Variants in ZFHX3 observed in about 807,000 individuals in gnomAD.
The protein encoded by ZFHX3 is zinc finger homeobox protein 3.
In ZFHX3, 42 loss-of-function variants were observed where a neutral mutation model predicts 279.1. That is an observed-to-expected ratio of 0.15 (90% CI 0.12 to 0.19). ZFHX3 has a LOEUF of 0.19. ZFHX3 is among the 10% of genes least tolerant of loss of function. ZFHX3 has a pLI of 1.00. For synonymous variants in ZFHX3, 2,293 were observed against 1,957.8 expected (o/e 1.17, Z -4.52); for missense variants, 4,981 against 4,754.0 (o/e 1.05, Z -1.40).
chr16:73,508,493 A>T (rs1458305932), intron 2 of ZFHX3, among the ~76,000 whole-genome samples: 1 of 152,226 alleles, frequency 6.6e-6, no homozygotes, highest in Non-Finnish European at 1.5e-5. Context: ...AAGCACAGAC[A>T]TGCAGCTCTT....
At chr16:73,571,246 T>A (rs2051731409) in intron 2 of ZFHX3, among the ~76,000 whole-genome samples, 1 of 152,118 alleles carries the variant, frequency 6.6e-6, no homozygotes, top group African/African-American at 2.4e-5. Context: ...TTTTTCCTCA[T>A]TCGCAGCATC....
At chr16:73,334,254 C>A (rs1264478172) in intron 3 of ZFHX3, among the ~76,000 whole-genome samples, 1 of 152,026 alleles carries the variant, frequency 6.6e-6, no homozygotes, top group African/African-American at 2.4e-5. Context: ...GCCACACGGG[C>A]TGAGCAGGGA....
chr16:72,910,136 A>G (rs2039281786), intron 3 of ZFHX3, among the ~76,000 whole-genome samples: 1 of 152,192 alleles, frequency 6.6e-6, no homozygotes, highest in African/African-American at 2.4e-5. Context: ...CACCACAGGA[A>G]TAAGGGTTAA....
At chr16:73,347,860 T>C (rs1354589669) in intron 3 of ZFHX3, among the ~76,000 whole-genome samples, 5 of 152,250 alleles carry the variant, frequency 3.3e-5, no homozygotes, top group South Asian at 2.1e-4. Context: ...ATAAAACTCA[T>C]AAGCCTTTGT....
intron 3 of ZFHX3, among the ~76,000 whole-genome samples, chr16:73,440,986 A>T (rs1043085936): frequency 6.6e-6 from 1 of 152,108 alleles, no homozygotes; most frequent in Admixed American, 6.5e-5. Context: ...TAAGCACATT[A>T]TTTGTATTTT....
intron 1 of ZFHX3, among the ~76,000 whole-genome samples, chr16:73,775,927 T>C (rs897282297): frequency 1.3e-5 from 2 of 152,182 alleles, no homozygotes; most frequent in Non-Finnish European, 2.9e-5. Context: ...CTGATCTATC[T>C]GGCAGCAGCC....
rs184357744 is a variant in ZFHX3, at chr16:73,331,126, C to T, written c.-1290-12790G>A. On this transcript the variant is annotated intron_variant, in intron 3 of 17. Transcript: ENST00000641206. ...CTTACAATCATGGTGGAAGGGGAAGCAAACACACCCTTCTTCACATGGTGG... is the reference window on the plus strand; with the variant it reads ...CTTACAATCATGGTGGAAGGGGAAGTAAACACACCCTTCTTCACATGGTGG... Among the ~76,000 whole-genome samples the T allele has an allele frequency of 2.0e-5, 3 of 152,302 alleles. No individual in the cohort carries two copies. In the East Asian group the frequency reaches 5.8e-4, roughly 29 times the overall value.
intron 3 of ZFHX3, among the ~76,000 whole-genome samples, chr16:73,436,058 G>A (rs767722660): frequency 1.1e-4 from 17 of 152,176 alleles, no homozygotes; most frequent in East Asian, 3.9e-4. Flanking sequence ...AGCCCGGCGC[G>A]GTGGCTCACG....
intron 1 of ZFHX3, among the ~76,000 whole-genome samples, chr16:72,986,977 C>T (rs189144723): frequency 2.6e-5 from 4 of 152,254 alleles, no homozygotes; most frequent in African/African-American, 7.2e-5. Context: ...GAAAACAAAA[C>T]CCCACCTCTA....
At chr16:73,535,804 CCTCCA>C (rs879775083) in intron 2 of ZFHX3, among the ~76,000 whole-genome samples, 9 of 149,042 alleles carry the variant, frequency 6.0e-5, no homozygotes, top group African/African-American at 2.0e-4. Context: ...CTCACTGCAA[CCTCCA>C]CCTCCTGGGC....
intron 2 of ZFHX3, among the ~76,000 whole-genome samples, chr16:73,634,922 T>C (rs1162568904): frequency 6.6e-6 from 1 of 152,220 alleles, no homozygotes; most frequent in East Asian, 1.9e-4. Context: ...GCTTCTAAAA[T>C]TACTTCTAAG....
At chr16:73,334,754 G>C (rs995882807) in intron 3 of ZFHX3, among the ~76,000 whole-genome samples, 14 of 141,536 alleles carry the variant, frequency 9.9e-5, no homozygotes, top group African/African-American at 3.4e-4. Flanking sequence ...TCTCAGTCCT[G>C]TGATCTTCCA....
chr16:73,558,584 G>T (rs1160741675), intron 2 of ZFHX3: 1 of 152,160 alleles, frequency 6.6e-6, no homozygotes, highest in Non-Finnish European at 1.5e-5. Flanking sequence ...TTATTAAGCA[G>T]TATCAGCACG....
intron 7 of ZFHX3, among the ~76,000 whole-genome samples, chr16:73,102,745 T>C (rs1374071521): frequency 6.6e-6 from 1 of 152,218 alleles, no homozygotes; most frequent in African/African-American, 2.4e-5. Flanking sequence ...ATAAGTTCCT[T>C]ACCTCTCTAA....
At chr16:73,484,930 C>T (rs1421779861) in intron 2 of ZFHX3, among the ~76,000 whole-genome samples, 1 of 151,810 alleles carries the variant, frequency 6.6e-6, no homozygotes, top group Non-Finnish European at 1.5e-5. Context: ...AGGATACTAC[C>T]ACATACTCGC....
At chr16:73,806,030 A>C (rs1217117003) in intron 1 of ZFHX3, among the ~76,000 whole-genome samples, 1 of 152,228 alleles carries the variant, frequency 6.6e-6, no homozygotes, top group African/African-American at 2.4e-5. Flanking sequence ...GGAAACTTAC[A>C]ATCATGGCGA....
Position 72,950,919 on chromosome 16 carries a change from C to T in ZFHX3, c.2766G>A (p.Leu922=), listed in dbSNP as rs757686484. ...CCAGGTTCATCAGCTCCTCTGACACCAGCTGCCCGCCCCCGAGCCGCATGT... is the reference window on the plus strand; with the variant it reads ...CCAGGTTCATCAGCTCCTCTGACACTAGCTGCCCGCCCCCGAGCCGCATGT... ...PLDMRLGGGQ[L]VSEELMNLGE... The change falls in exon 3 of 10, where the codon CTG becomes CTA. Residue 922 remains leucine, a synonymous_variant. Transcript: ENST00000268489. 6.2e-7 allele frequency: 1 copy of T among 1,613,898 alleles called. No homozygotes were observed. The highest frequency in any genetic ancestry group is 8.5e-7 in the Non-Finnish European group (1 of 1,180,032).
intron 2 of ZFHX3, among the ~76,000 whole-genome samples, chr16:73,619,298 C>T (rs926033301): frequency 6.6e-6 from 1 of 151,702 alleles, no homozygotes. Context: ...ACCATCCTGG[C>T]TAACACGGTG....
At chr16:73,451,334 C>T (rs890016784) in intron 3 of ZFHX3, among the ~76,000 whole-genome samples, 12 of 152,184 alleles carry the variant, frequency 7.9e-5, no homozygotes, top group Admixed American at 2.6e-4. Context: ...AGAGCCCCTA[C>T]GATGCAATTC....
Sources: allele counts gnomAD v4.1 joint callset (sites outside exome capture counted in the v4.1 genomes callset), GRCh38; gene constraint gnomAD v4.1.1; transcripts MANE v1.5; gene names NCBI Gene and HGNC (gene_info 2026-07-23, HGNC 2026-07-21).